GLRB: variants seen among roughly 807,000 people sequenced by gnomAD.
GLRB encodes glycine receptor beta, also known as glycine receptor subunit beta.
Under a neutral mutation model 54.2 loss-of-function variants are expected in GLRB, and 33 were observed. The observed-to-expected ratio is 0.61, with a 90% CI of 0.46 to 0.81. The LOEUF is 0.81. GLRB is among the 40% of genes least tolerant of loss of function. The probability of loss-of-function intolerance (pLI) is 0.00; values close to 1 mark genes in which losing one functional copy is unlikely to be tolerated. For missense variants in GLRB, 572 were observed against 584.6 expected (o/e 0.98, Z 0.22); for synonymous variants, 209 against 208.2 (o/e 1.00, Z -0.03).
chr4:157,109,752 T>G (rs145718884), intron 2 of GLRB, among the ~76,000 whole-genome samples: 2 of 152,126 alleles, frequency 1.3e-5, no homozygotes, highest in African/African-American at 4.8e-5. Context: ...ATTAATATGC[T>G]AGAGCAGCTC....
chr4:157,166,616 G>A (rs1455263591), intron 9 of GLRB, among the ~76,000 whole-genome samples: 1 of 151,926 alleles, frequency 6.6e-6, no homozygotes, highest in Admixed American at 6.6e-5. Context: ...TTCTGTAATA[G>A]AGGTTCCGTC....
rs1385679604 is a variant in GLRB at position 157,172,071 on chromosome 4, G to C, written c.*1343G>C. On this transcript the variant is annotated 3_prime_UTR_variant, in exon 10 of 10. Transcript: ENST00000264428. ...TTTGTATGGCAAATTCAATAATAAA[G>C]TATTGTTTATGCAAATTGCCATATG... The C allele has an allele frequency of 6.6e-6, 1 of 151,802 alleles. No individual in the cohort carries two copies. Among genetic ancestry groups the C allele is most frequent in the Admixed American group, 6.6e-5 (1 of 15,238 alleles). 9.4% of individuals were successfully genotyped at this position (151,802 alleles called of 1,614,324 possible). A position where few individuals can be genotyped will look rare whatever the true frequency, so the allele number is the denominator to read the frequency against.
chr4:157,097,589 A>G (rs1347552852), intron 2 of GLRB, among the ~76,000 whole-genome samples: 1 of 152,282 alleles, frequency 6.6e-6, no homozygotes, highest in African/African-American at 2.4e-5. Context: ...TTGTCCACCT[A>G]ATTTTTTCCA....
chr4:157,125,185 G>A (rs1035691082), intron 4 of GLRB, among the ~76,000 whole-genome samples: 1 of 151,772 alleles, frequency 6.6e-6, no homozygotes, highest in Non-Finnish European at 1.5e-5. Flanking sequence ...TGTCTGGACA[G>A]GAGTTATGTT....
chr4:157,107,508 G>A (rs989955398), intron 2 of GLRB, among the ~76,000 whole-genome samples: 3 of 152,082 alleles, frequency 2.0e-5, no homozygotes, highest in African/African-American at 7.2e-5. Context: ...GGTCTAGATA[G>A]AAGACCAAAT....
intron 4 of GLRB, among the ~76,000 whole-genome samples, chr4:157,135,076 T>G (rs2126562867): frequency 6.6e-6 from 1 of 152,250 alleles, no homozygotes; most frequent in East Asian, 1.9e-4. Context: ...GATAGTAATA[T>G]ATTTCTAACA....
chr4:157,096,066 A>G (rs191638748), intron 2 of GLRB, among the ~76,000 whole-genome samples: 337 of 152,270 alleles, frequency 2.2e-3, no homozygotes, highest in Non-Finnish European at 4.1e-3. Context: ...GAGAAAAGTC[A>G]CAGTCCTTTC....
chr4:157,131,959 G>C (rs1338659831), intron 4 of GLRB, among the ~76,000 whole-genome samples: 1 of 151,816 alleles, frequency 6.6e-6, no homozygotes, highest in Non-Finnish European at 1.5e-5. Context: ...TATGGTAAAA[G>C]TATGTTTCGT....
chr4:157,105,730 C>T (rs982205215), intron 2 of GLRB, among the ~76,000 whole-genome samples: 11 of 152,016 alleles, frequency 7.2e-5, no homozygotes, highest in Non-Finnish European at 1.5e-4. Flanking sequence ...ATTGTTACAT[C>T]TTCCTGGTGG....
At chr4:157,080,326 A>T (rs75311023) in intron 2 of GLRB, among the ~76,000 whole-genome samples, 1 of 152,168 alleles carries the variant, frequency 6.6e-6, no homozygotes. Flanking sequence ...GAATTTTTAC[A>T]TTATAGGTTT....
intron 8 of GLRB, among the ~76,000 whole-genome samples, chr4:157,151,335 C>A (rs1210041736): frequency 1.3e-5 from 2 of 152,008 alleles, no homozygotes; most frequent in African/African-American, 4.8e-5. Flanking sequence ...TAGTTTAGGG[C>A]AGTAATTGAT....
chr4:157,129,938 A>G (rs930197213), intron 4 of GLRB, among the ~76,000 whole-genome samples: 4 of 151,738 alleles, frequency 2.6e-5, no homozygotes, highest in African/African-American at 9.7e-5. Flanking sequence ...CACTATATGC[A>G]GAATTTTTTG....
intron 8 of GLRB, among the ~76,000 whole-genome samples, chr4:157,145,118 A>G (rs1350018149): frequency 1.3e-5 from 2 of 152,200 alleles, no homozygotes; most frequent in Non-Finnish European, 2.9e-5. Flanking sequence ...ATGTTCATGC[A>G]GTGATATAAA....
Position 157,095,425 on chromosome 4 carries a change from C to T in GLRB, c.122+17279C>T, listed in dbSNP as rs191712621. Among the ~76,000 whole-genome samples the T allele has an allele frequency of 1.8e-3, 271 of 152,134 alleles. 2 individuals carry two copies. Among genetic ancestry groups the T allele is most frequent in the African/African-American group, 6.4e-3 (264 of 41,504 alleles). Reference sequence around the variant, plus strand: ...CTGGATGTGTTAAGTTTGAGGTATCCATTAGACATCAGGAGAAAATATCCA... The same window carrying T: ...CTGGATGTGTTAAGTTTGAGGTATCTATTAGACATCAGGAGAAAATATCCA... On this transcript the variant is annotated intron_variant, in intron 2 of 9. Transcript: ENST00000264428.
intron 2 of GLRB, among the ~76,000 whole-genome samples, chr4:157,096,193 A>G (rs1379162142): frequency 2.6e-5 from 4 of 152,206 alleles, no homozygotes. Context: ...ATTCCTCGGC[A>G]GGCTTCCCTG....
chr4:157,147,871 C>G (rs1162124951), intron 8 of GLRB, among the ~76,000 whole-genome samples: 1 of 152,298 alleles, frequency 6.6e-6, no homozygotes, highest in South Asian at 2.1e-4. Context: ...TTCTGTCATT[C>G]CGTTAAACTC....
At chr4:157,153,161 T>C in intron 9 of GLRB, 151 bp downstream of exon 9, 1 of 763,356 alleles carries the variant, frequency 1.3e-6, no homozygotes, top group Non-Finnish European at 2.3e-6. Context: ...ACAACACAAT[T>C]TTTGGGAAAC....
At chr4:157,086,968 C>T (rs1734434551) in intron 2 of GLRB, among the ~76,000 whole-genome samples, 1 of 152,040 alleles carries the variant, frequency 6.6e-6, no homozygotes, top group Non-Finnish European at 1.5e-5. Flanking sequence ...GTTCTTTATG[C>T]AGTGATGTCT....
intron 9 of GLRB, among the ~76,000 whole-genome samples, chr4:157,160,201 G>A (rs551593946): frequency 5.9e-5 from 9 of 151,862 alleles, no homozygotes; most frequent in Admixed American, 2.0e-4. Flanking sequence ...ACTTTTTATC[G>A]CATCTGCTTG....
Sources: allele counts gnomAD v4.1 joint callset (sites outside exome capture counted in the v4.1 genomes callset), GRCh38; gene constraint gnomAD v4.1.1; transcripts MANE v1.5; gene names NCBI Gene and HGNC (gene_info 2026-07-23, HGNC 2026-07-21).